Variants in ARHGAP19 observed in about 807,000 individuals in gnomAD.
ARHGAP19 encodes the protein rho GTPase-activating protein 19.
A neutral mutation model predicts 60.9 loss-of-function variants in ARHGAP19; 48 were observed. The observed-to-expected ratio is 0.79, with a 90% CI of 0.62 to 1.00. The LOEUF (loss-of-function observed/expected upper bound fraction) is 1.00. Ranked by LOEUF, ARHGAP19 falls within the 50% of genes least tolerant of loss-of-function variation. The pLI, the probability that ARHGAP19 is intolerant of heterozygous loss-of-function variation, is 0.00. For missense variants in ARHGAP19, 562 were observed against 597.2 expected, an observed-to-expected ratio of 0.94 and a Z score of 0.61; for synonymous variants, 209 against 215.5, an observed-to-expected ratio of 0.97 and a Z score of 0.27.
Position 97,292,566 on chromosome 10 carries a change from G to A in ARHGAP19, c.56+6C>T. 6.2e-7 allele frequency: 1 copy of A among 1,614,158 alleles called. No individual in the cohort carries two copies. Among genetic ancestry groups the A allele is most frequent in the Admixed American group, 1.7e-5 (1 of 60,010 alleles). On this transcript the variant is annotated splice_donor_region_variant and intron_variant, in intron 1 of 11. Transcript: ENST00000358531. ...TTCCCAGGAAACTGGACCAAACTCA[G>A]CTCACCTCCGGCCGGATTCGCGGGC...
rs184064741 is a variant in ARHGAP19, at chr10:97,256,917, T to G, written c.841-513A>C. On this transcript the variant is annotated intron_variant, in intron 5 of 11. Coordinates refer to ENST00000358531, the MANE Select transcript of ARHGAP19 (RefSeq NM_032900.6). ...CGGGCAGATCACGAGGTCAGGAGAT[T>G]GAGACCATCCTGGCTAACACAGTGA... is the stretch of plus-strand genomic sequence containing the variant. Among the ~76,000 whole-genome samples the G allele has an allele frequency of 7.2e-5, 11 of 151,788 alleles. No homozygotes were observed. In the East Asian group the frequency reaches 7.8e-4, roughly 11 times the overall value.
At chr10:97,231,497 C>T (rs1214966926) in intron 9 of ARHGAP19, among the ~76,000 whole-genome samples, 1 of 152,152 alleles carries the variant, frequency 6.6e-6, no homozygotes, top group Non-Finnish European at 1.5e-5. Flanking sequence ...TGACAACCAA[C>T]CACCTTCTCT....
intron 1 of ARHGAP19, among the ~76,000 whole-genome samples, chr10:97,266,601 A>G (rs1366407622): frequency 1.3e-5 from 2 of 152,234 alleles, no homozygotes; most frequent in East Asian, 1.9e-4. Flanking sequence ...GTCCATTTTC[A>G]TACTGCTGTG....
chr10:97,242,492 C>T (rs1199216969), intron 8 of ARHGAP19, among the ~76,000 whole-genome samples: 1 of 151,622 alleles, frequency 6.6e-6, no homozygotes, highest in Non-Finnish European at 1.5e-5. Flanking sequence ...TGCCACCACA[C>T]CCGGCTAATT....
Position 97,229,153 on chromosome 10 carries a change from TC to T in ARHGAP19, c.1467del (p.Gly492AspfsTer49). ...RLKWSEGKKE[G>X]KKGFL ...GAGTAAGTACAATTAGTACCTTTTTTCCCCTCTTTCTTCCCTTCAGACCACT... is the reference window on the plus strand; with the variant it reads ...GAGTAAGTACAATTAGTACCTTTTTTCCCTCTTTCTTCCCTTCAGACCACT... On this transcript the variant is annotated frameshift_variant, in exon 11 of 12. Coordinates refer to ENST00000358531, the MANE Select transcript of ARHGAP19 (RefSeq NM_032900.6). LOFTEE classifies it high-confidence loss of function. The T allele has an allele frequency of 6.2e-7, 1 of 1,613,650 alleles. No homozygotes were observed. The highest frequency in any genetic ancestry group is 8.5e-7 in the Non-Finnish European group (1 of 1,179,548).
chr10:97,247,846 C>A (rs1269928611), intron 6 of ARHGAP19, among the ~76,000 whole-genome samples: 18 of 151,782 alleles, frequency 1.2e-4, no homozygotes, highest in Admixed American at 1.2e-3. Flanking sequence ...GGAATATACA[C>A]ACAAATGTAC....
In ARHGAP19 at chr10:97,244,254, G is replaced by C. The variant is rs1482914322; in HGVS notation, c.994-95C>G. 4 of 978,262 alleles carry C rather than the reference G, an allele frequency of 4.1e-6. No individual in the cohort carries two copies. In the Admixed American group the frequency reaches 7.9e-5, roughly 19 times the overall value. 60.6% of individuals were successfully genotyped at this position (978,262 alleles called of 1,614,324 possible). A position where few individuals can be genotyped will look rare whatever the true frequency, so the allele number is the denominator to read the frequency against. Reference sequence around the variant, plus strand: ...CCTGGAACAAAAAAAGGGAGAGTGGGGACATGGTATACTCCTATACTCAGG... The same window carrying C: ...CCTGGAACAAAAAAAGGGAGAGTGGCGACATGGTATACTCCTATACTCAGG... On this transcript the variant is annotated intron_variant, in intron 7 of 11. Transcript: ENST00000358531.
At chr10:97,232,154 ATTTTTTTTTT>A (rs1170639718) in intron 9 of ARHGAP19, among the ~76,000 whole-genome samples, 3 of 56,302 alleles carry the variant, frequency 5.3e-5, no homozygotes, top group South Asian at 6.2e-4. Flanking sequence ...TTTGCTCACT[ATTTTTTTTTT>A]TTTTTTTTTT....
chr10:97,253,154 C>T (rs1842709917), intron 6 of ARHGAP19, among the ~76,000 whole-genome samples: 1 of 151,820 alleles, frequency 6.6e-6, no homozygotes, highest in Non-Finnish European at 1.5e-5. Flanking sequence ...TTTGGGAGGC[C>T]GAGGCGGGCG....
intron 9 of ARHGAP19, among the ~76,000 whole-genome samples, chr10:97,231,981 T>G (rs1051841002): frequency 6.1e-5 from 8 of 130,682 alleles, no homozygotes; most frequent in Admixed American, 8.1e-5. Flanking sequence ...TTTCCGTTGT[T>G]TTTTTTTTTT....
chr10:97,281,222 A>C (rs1432223142), intron 1 of ARHGAP19, among the ~76,000 whole-genome samples: 2 of 22,628 alleles, frequency 8.8e-5, no homozygotes, highest in Non-Finnish European at 1.2e-4. Context: ...GTCACTACAA[A>C]AAAAAAAAAA....
intron 1 of ARHGAP19, among the ~76,000 whole-genome samples, chr10:97,278,787 T>C (rs1322796620): frequency 1.5e-5 from 2 of 137,496 alleles, no homozygotes; most frequent in African/African-American, 5.3e-5. Context: ...GTTGAAGCCA[T>C]GAATCTGCAA....
intron 6 of ARHGAP19, among the ~76,000 whole-genome samples, chr10:97,254,310 A>T (rs1842726053): frequency 6.6e-6 from 1 of 152,244 alleles, no homozygotes; most frequent in African/African-American, 2.4e-5. Context: ...TTTACTAATC[A>T]CACCACCATG....
intron 8 of ARHGAP19, among the ~76,000 whole-genome samples, chr10:97,241,074 A>C (rs1336345967): frequency 6.6e-6 from 1 of 152,212 alleles, no homozygotes; most frequent in Non-Finnish European, 1.5e-5. Context: ...TAATACCAGC[A>C]CTTTGGGAGG....
At chr10:97,252,221 T>C (rs1232311568) in intron 6 of ARHGAP19, among the ~76,000 whole-genome samples, 6 of 151,840 alleles carry the variant, frequency 4.0e-5, no homozygotes, top group South Asian at 4.1e-4. Flanking sequence ...CATGCGCCTG[T>C]GGTCCCAGCT....
At position 97,259,457 on chromosome 10, in the gene ARHGAP19, ATCTTGT is replaced by A. The variant is rs1842798342; in HGVS notation, c.779_784del (p.Asn260_Lys261del). The A allele has an allele frequency of 6.2e-7, 1 of 1,614,196 alleles. No individual in the cohort carries two copies. The highest frequency in any genetic ancestry group is 1.3e-5 in the African/African-American group (1 of 75,064). On this transcript the variant is annotated inframe_deletion, in exon 5 of 12. Coordinates refer to ENST00000358531, the MANE Select transcript of ARHGAP19 (RefSeq NM_032900.6). ...CATAAGGGCAAGGTTATAGGCTGACATCTTGTTCTTGTCTTGTTTCTTTGCTGTCTG... is the reference window on the plus strand; with the variant it reads ...CATAAGGGCAAGGTTATAGGCTGACATCTTGTCTTGTTTCTTTGCTGTCTG...
rs1377051741 is a variant in ARHGAP19, at chr10:97,244,055, C to T, written c.1098G>A (p.Gln366=). Residue 366 remains glutamine, a synonymous_variant, in exon 8 of 12, where the codon CAG becomes CAA. Transcript: ENST00000358531. ...VDSCPHQEET[Q]HHTEEALREL... is the part of the protein sequence containing the mutation. ...CTCTCAGTGCCTCTTCCGTATGGTG[C>T]TGGGTCTCCTCCTGGTGAGGGCAGG... 6.2e-7 allele frequency: 1 copy of T among 1,614,076 alleles called. No homozygotes were observed.
At chr10:97,255,335 T>G (rs1021081100) in intron 6 of ARHGAP19, among the ~76,000 whole-genome samples, 1 of 152,052 alleles carries the variant, frequency 6.6e-6, no homozygotes, top group Admixed American at 6.6e-5. Context: ...TCCCAGCACT[T>G]TGGGAGGCTG....
intron 1 of ARHGAP19, among the ~76,000 whole-genome samples, chr10:97,266,430 A>G (rs12254370): frequency 0.028 from 4,293 of 152,116 alleles, 195 homozygotes; most frequent in African/African-American, 0.094. Context: ...TCTAAGTCCA[A>G]CCTCTGCTCA....
Sources: allele counts gnomAD v4.1 joint callset (sites outside exome capture counted in the v4.1 genomes callset), GRCh38; gene constraint gnomAD v4.1.1; transcripts MANE v1.5; gene names NCBI Gene and HGNC (gene_info 2026-07-23, HGNC 2026-07-21).